Variants in SEC63 observed in about 807,000 individuals in gnomAD.
SEC63 encodes SEC63 protein translocation regulator.
A neutral mutation model predicts 116.2 loss-of-function variants in SEC63; 56 were observed. The observed-to-expected ratio is 0.48, with a 90% confidence interval of 0.39 to 0.60. The LOEUF (loss-of-function observed/expected upper bound fraction) is 0.60. SEC63 is among the 20% of genes least tolerant of loss of function. SEC63 has a pLI of 0.00. For missense variants in SEC63, 668 were observed against 900.0 expected, an observed-to-expected ratio of 0.74 and a Z score of 3.30; for synonymous variants, 273 against 294.6, an observed-to-expected ratio of 0.93 and a Z score of 0.75.
At chr6:107,956,428 CA>C (rs1276493813) in intron 1 of SEC63, among the ~76,000 whole-genome samples, 1 of 152,184 alleles carries the variant, frequency 6.6e-6, no homozygotes, top group African/African-American at 2.4e-5. Context: ...TTCACTTATA[CA>C]CAATCACTGC....
At chr6:107,914,398 A>C (rs1787352977) in intron 4 of SEC63, among the ~76,000 whole-genome samples, 2 of 152,154 alleles carry the variant, frequency 1.3e-5, no homozygotes, top group South Asian at 4.1e-4. Context: ...GTTTCTATTT[A>C]ACAAAACTCC....
intron 1 of SEC63, chr6:107,954,482 C>CAAAAAAAAAA (rs4028832): frequency 8.6e-6 from 1 of 116,868 alleles, no homozygotes; most frequent in African/African-American, 3.4e-5. Flanking sequence ...AAAAAAAAAT[C>CAAAAAAAAAA]AAAAAAAAAA....
At chr6:107,888,766 C>G (rs922036709) in intron 16 of SEC63, among the ~76,000 whole-genome samples, 1 of 152,158 alleles carries the variant, frequency 6.6e-6, no homozygotes, top group Non-Finnish European at 1.5e-5. Flanking sequence ...TACGTTCCAT[C>G]AATGCCTAGT....
Position 107,877,063 on chromosome 6 carries a change from ATG to A in SEC63, c.1936-403_1936-402del, listed in dbSNP as rs199636378. On this transcript the variant is annotated intron_variant, in intron 18 of 20. Transcript: ENST00000369002. ...GTTGGAGTGGAAGGAACATATATAT[ATG>A]TGTGTGTATATATATATATATACAC... 157 of 64,506 alleles carry A rather than the reference ATG, an allele frequency of 2.4e-3. 2 individuals are homozygous for A. The highest frequency in any genetic ancestry group is 0.01 in the African/African-American group (35 of 3,494). 4.0% of individuals were successfully genotyped at this position (64,506 alleles called of 1,614,324 possible).
At chr6:107,903,119 G>T in intron 11 of SEC63, 121 bp from the exon 12 acceptor site, 1 of 1,006,968 alleles carries the variant, frequency 9.9e-7, no homozygotes, top group Non-Finnish European at 1.5e-6. Flanking sequence ...GAGGATCATA[G>T]TAAGATTTTC....
chr6:107,900,655 A>G (rs1786980166), intron 13 of SEC63, among the ~76,000 whole-genome samples: 1 of 152,146 alleles, frequency 6.6e-6, no homozygotes, highest in South Asian at 2.1e-4. Flanking sequence ...CTCAAAAATT[A>G]TTTATAAATA....
intron 13 of SEC63, among the ~76,000 whole-genome samples, chr6:107,898,428 C>G (rs1451758443): frequency 6.6e-6 from 1 of 152,034 alleles, no homozygotes; most frequent in African/African-American, 2.4e-5. Context: ...GGTTCTGTCA[C>G]CCTATTAAAC....
chr6:107,875,553 C>T (rs115689353), intron 19 of SEC63, among the ~76,000 whole-genome samples: 1 of 151,860 alleles, frequency 6.6e-6, no homozygotes, highest in African/African-American at 2.4e-5. Flanking sequence ...AAAAATTAGC[C>T]GGGCGTGGCT....
At chr6:107,954,533 T>C (rs1276405980) in intron 1 of SEC63, 2 of 151,616 alleles carry the variant, frequency 1.3e-5, no homozygotes, top group African/African-American at 2.4e-5. Context: ...ACACAGCGTT[T>C]ACACTCAAAC....
intron 19 of SEC63, among the ~76,000 whole-genome samples, chr6:107,875,448 G>A (rs566445637): frequency 6.6e-6 from 1 of 152,174 alleles, no homozygotes; most frequent in South Asian, 2.1e-4. Context: ...TGTAATCCCG[G>A]CACTTTGGGA....
At chr6:107,910,884 C>A (rs1014253859) in intron 7 of SEC63, among the ~76,000 whole-genome samples, 1 of 151,800 alleles carries the variant, frequency 6.6e-6, no homozygotes, top group Non-Finnish European at 1.5e-5. Context: ...GCATGTCTGA[C>A]TAATTTTGTA....
chr6:107,890,244 G>A (rs1473231540), intron 16 of SEC63, among the ~76,000 whole-genome samples: 6 of 151,932 alleles, frequency 3.9e-5, no homozygotes, highest in Non-Finnish European at 8.8e-5. Context: ...TTATGAATCT[G>A]GGTACTCCTG....
At chr6:107,892,733 G>A (rs148286222) in intron 16 of SEC63, among the ~76,000 whole-genome samples, 44 of 152,148 alleles carry the variant, frequency 2.9e-4, no homozygotes, top group African/African-American at 8.9e-4. Flanking sequence ...CATATGAAAC[G>A]GTGTTCAACA....
chr6:107,954,972 G>C (rs1770682116), intron 1 of SEC63, among the ~76,000 whole-genome samples: 1 of 152,166 alleles, frequency 6.6e-6, no homozygotes, highest in Admixed American at 6.6e-5. Flanking sequence ...ATCAAAATAT[G>C]CATATGGACT....
chr6:107,910,392 C>T (rs1447494134), intron 7 of SEC63, among the ~76,000 whole-genome samples: 1 of 152,028 alleles, frequency 6.6e-6, no homozygotes, highest in Non-Finnish European at 1.5e-5. Context: ...TGCTTGAACC[C>T]AGGAGGTAGA....
intron 8 of SEC63, 144 bp downstream of exon 8, chr6:107,908,783 T>C: frequency 1.9e-6 from 1 of 532,668 alleles, no homozygotes; most frequent in South Asian, 2.6e-5. Flanking sequence ...GCTGGCATTT[T>C]TCTCTAGCTT....
intron 16 of SEC63, among the ~76,000 whole-genome samples, chr6:107,885,020 G>T (rs538489947): frequency 6.6e-6 from 1 of 151,518 alleles, no homozygotes; most frequent in Non-Finnish European, 1.5e-5. Flanking sequence ...TTCCTTAACC[G>T]GACAAAGAAT....
chr6:107,917,641 G>C (rs577549997), intron 4 of SEC63, among the ~76,000 whole-genome samples: 4 of 152,304 alleles, frequency 2.6e-5, no homozygotes, highest in Admixed American at 1.3e-4. Context: ...CAAATAATAA[G>C]AAAGTGAAAC....
intron 16 of SEC63, among the ~76,000 whole-genome samples, chr6:107,891,643 G>A (rs1033480766): frequency 3.3e-5 from 5 of 152,016 alleles, no homozygotes; most frequent in African/African-American, 4.8e-5. Flanking sequence ...GAGGCATTCT[G>A]GTTTTTGGAA....
Sources: allele counts gnomAD v4.1 joint callset (sites outside exome capture counted in the v4.1 genomes callset), GRCh38; gene constraint gnomAD v4.1.1; transcripts MANE v1.5; gene names NCBI Gene and HGNC (gene_info 2026-07-23, HGNC 2026-07-21).